Variants in CEP63 observed in about 807,000 individuals in gnomAD.
CEP63 encodes centrosomal protein 63, also known as centrosomal protein of 63 kDa.
A neutral mutation model predicts 89.1 loss-of-function variants in CEP63; 84 were observed. The observed-to-expected ratio is 0.94, with a 90% CI of 0.79 to 1.13. CEP63 has a LOEUF of 1.13. Among genes scored for constraint, CEP63 ranks in the 50% most tolerant of loss-of-function variants. The pLI is 0.00. For synonymous variants in CEP63, 267 were observed against 272.5 expected (o/e 0.98, Z 0.20); for missense variants, 838 against 813.3 (o/e 1.03, Z -0.37).
the CEP63 span, among the ~76,000 whole-genome samples, chr3:134,727,141 C>T: frequency 1.2e-4 from 18 of 152,152 alleles, no homozygotes; most frequent in Non-Finnish European, 1.8e-4. Flanking sequence ...ATATTGCCAC[C>T]ATCTTGGAGT....
At chr3:134,598,054 C>T in the CEP63 span, 2 of 152,224 alleles carry the variant, frequency 1.3e-5, no homozygotes, top group Non-Finnish European at 2.9e-5. Context: ...CCCTGCATAC[C>T]CTCACCCAGT....
chr3:134,719,278 C>T, the CEP63 span, among the ~76,000 whole-genome samples: 1 of 152,074 alleles, frequency 6.6e-6, no homozygotes, highest in African/African-American at 2.4e-5. Flanking sequence ...GCTAGGATTA[C>T]AGGTGTGAGC....
chr3:134,560,925 C>G (rs950961740), intron 14 of CEP63, among the ~76,000 whole-genome samples: 20 of 152,104 alleles, frequency 1.3e-4, no homozygotes, highest in Non-Finnish European at 2.6e-4. Flanking sequence ...TCACTAGCCT[C>G]AAGGGTTTCA....
chr3:134,651,557 T>G, the CEP63 span: 2 of 991,790 alleles, frequency 2.0e-6, no homozygotes, highest in South Asian at 9.2e-5. Flanking sequence ...CTGGGTTGGT[T>G]TTGGAGGTTG....
intron 1 of CEP63, among the ~76,000 whole-genome samples, chr3:134,488,875 A>T (rs547778347): frequency 6.6e-6 from 1 of 151,344 alleles, no homozygotes; most frequent in East Asian, 2.0e-4. Flanking sequence ...TTCAGTTCCT[A>T]GGCTGGGCGC....
chr3:134,507,265 G>C lies in CEP63; in HGVS notation c.201G>C (p.Gln67His). The change falls in exon 3 of 15, where the codon CAG (glutamine) becomes CAC (histidine). Residue 67 changes from glutamine to histidine, a missense_variant. By Grantham distance (24) the Gln-to-His change is conservative (BLOSUM62 0). Transcript: ENST00000675561. ...REQELKSLRS[Q>H]LDVTHKEVGM... ...AGGAACTTAAGAGTCTTAGGAGTCA[G>C]TTGGATGTGACACATAAGGAGGTAA... 6.2e-7 allele frequency: 1 copy of C among 1,613,304 alleles called. No homozygotes were observed. The highest frequency in any genetic ancestry group is 1.1e-5 in the South Asian group (1 of 91,014).
At chr3:134,749,705 C>CCAAA in the CEP63 span, among the ~76,000 whole-genome samples, 1 of 49,408 alleles carries the variant, frequency 2.0e-5, no homozygotes, top group Non-Finnish European at 3.8e-5. Flanking sequence ...AGGGGTTGTT[C>CCAAA]AAAAAAAAAA....
At chr3:134,593,940 A>G in the CEP63 span, among the ~76,000 whole-genome samples, 3 of 152,154 alleles carry the variant, frequency 2.0e-5, no homozygotes, top group Non-Finnish European at 4.4e-5. Context: ...GGTTCATGGT[A>G]CCCACACTTG....
chr3:134,545,918 T>A, intron 7 of CEP63, 99 bp downstream of exon 7: 2 of 946,322 alleles, frequency 2.1e-6, no homozygotes, highest in Non-Finnish European at 3.2e-6. Flanking sequence ...CATACTTTCT[T>A]CCCTACTTTA....
the CEP63 span, among the ~76,000 whole-genome samples, chr3:134,605,285 A>G: frequency 2.8e-4 from 42 of 152,146 alleles, no homozygotes; most frequent in Non-Finnish European, 5.1e-4. Context: ...GGCTTCTCTT[A>G]GAGCCTGGTC....
the CEP63 span, among the ~76,000 whole-genome samples, chr3:134,718,126 A>C: frequency 2.0e-5 from 3 of 152,128 alleles, no homozygotes; most frequent in Non-Finnish European, 2.9e-5. Context: ...ATCATGTTTC[A>C]CACCATGTTT....
At chr3:134,589,000 G>A (rs762437749), downstream of CEP63, among the ~76,000 whole-genome samples, 18 of 152,058 alleles carry the variant, frequency 1.2e-4, no homozygotes, top group Non-Finnish European at 1.9e-4. Flanking sequence ...ATACAAAATG[G>A]ACACAAGAAG....
At chr3:134,572,181 C>G (rs1958036122) in intron 11 of CEP63, among the ~76,000 whole-genome samples, 1 of 152,178 alleles carries the variant, frequency 6.6e-6, no homozygotes, top group Admixed American at 6.5e-5. Context: ...TGCGAACATT[C>G]ACTTGTTTAC....
chr3:134,699,233 G>C, the CEP63 span, among the ~76,000 whole-genome samples: 1 of 152,212 alleles, frequency 6.6e-6, no homozygotes, highest in Non-Finnish European at 1.5e-5. Context: ...GTTGTTAAAT[G>C]AATGACTAAA....
the CEP63 span, among the ~76,000 whole-genome samples, chr3:134,780,803 T>C: frequency 6.6e-6 from 1 of 152,230 alleles, no homozygotes; most frequent in Non-Finnish European, 1.5e-5. Context: ...TGTATCTGTA[T>C]TTTCCTTTGT....
At chr3:134,593,913 T>A in the CEP63 span, among the ~76,000 whole-genome samples, 8 of 152,164 alleles carry the variant, frequency 5.3e-5, no homozygotes, top group South Asian at 1.7e-3. Flanking sequence ...CTGATACTCA[T>A]GAAATGAATG....
At chr3:134,539,259 A>G (rs529029750) in intron 6 of CEP63, among the ~76,000 whole-genome samples, 1 of 152,252 alleles carries the variant, frequency 6.6e-6, no homozygotes, top group South Asian at 2.1e-4. Flanking sequence ...TACACATAAA[A>G]TGTTCCACCT....
chr3:134,547,375 C>A lies in CEP63; in HGVS notation c.970C>A (p.Gln324Lys), dbSNP rs1560007860. 1.2e-6 allele frequency: 2 copies of A among 1,613,670 alleles called. No individual in the cohort carries two copies. Among genetic ancestry groups the A allele is most frequent in the Non-Finnish European group, 1.7e-6 (2 of 1,179,676 alleles). The change falls in exon 9 of 15, where the codon CAA (glutamine) becomes AAA (lysine). Residue 324 changes from glutamine to lysine, a missense_variant. Physicochemically the swap from Gln to Lys is moderately conservative, Grantham distance 53. Coordinates refer to ENST00000675561, the MANE Select transcript of CEP63 (RefSeq NM_001353108.3). ...ESLAEKKYTS[Q>K]GQGDLDSVLS... The stretch of plus-strand genomic sequence containing the variant: ...TCTGGCAGAAAAGAAGTACACCTCT[C>A]AAGGGCAGGGGGACTTAGACAGTGT...
the CEP63 span, among the ~76,000 whole-genome samples, chr3:134,703,329 T>C: frequency 6.7e-6 from 1 of 150,282 alleles, no homozygotes; most frequent in East Asian, 2.0e-4. Context: ...TACATACATG[T>C]GTTTATTGCA....
Sources: gnomAD v4.1 joint callset for allele counts (sites outside exome capture counted in the v4.1 genomes callset) on GRCh38, gnomAD v4.1.1 for gene constraint, MANE v1.5 for transcripts, NCBI Gene and HGNC (gene_info 2026-07-23, HGNC 2026-07-21) for gene names.